The following SYN2 variants were observed in gnomAD, a reference collection of about 807,000 sequenced individuals.
SYN2 encodes the protein synapsin-2.
A neutral mutation model predicts 50.9 loss-of-function variants in SYN2; 19 were observed. That is an observed-to-expected ratio of 0.37 (90% CI 0.26 to 0.55). SYN2 has a LOEUF of 0.55. Among genes scored for constraint, SYN2 ranks in the 20% least tolerant of loss-of-function variants. SYN2 has a pLI of 0.81. For synonymous variants in SYN2, 255 were observed against 224.9 expected (o/e 1.13, Z -1.20); for missense variants, 587 against 576.4 (o/e 1.02, Z -0.19).
At chr3:12,175,243 T>G (rs1409474528) in intron 10 of SYN2, among the ~76,000 whole-genome samples, 3 of 152,244 alleles carry the variant, frequency 2.0e-5, no homozygotes, top group Non-Finnish European at 4.4e-5. Context: ...AATACATATT[T>G]GTTGAGTGAG....
At chr3:12,132,025 CTTTTTTTTCT>C (rs1252731006) in intron 1 of SYN2, among the ~76,000 whole-genome samples, 47 of 140,704 alleles carry the variant, frequency 3.3e-4, no homozygotes, top group East Asian at 1.6e-3. Flanking sequence ...TTTTCTTTTT[CTTTTTTTTCT>C]TTTTTTTTCT....
intron 1 of SYN2, among the ~76,000 whole-genome samples, chr3:12,068,848 C>T (rs1008669767): frequency 6.6e-6 from 1 of 152,174 alleles, no homozygotes. Context: ...AACTACCACA[C>T]ATCACTATCA....
At chr3:12,147,193 GTGTGTGTGTGTA>G (rs71628739) in intron 4 of SYN2, among the ~76,000 whole-genome samples, 7,610 of 152,118 alleles carry the variant, frequency 0.05, 210 homozygotes, top group Non-Finnish European at 0.066. Context: ...AGAGGGGTGT[GTGTGTGTGTGTA>G]TGTGTGTGTG....
At chr3:12,123,253 C>A (rs181559227) in intron 1 of SYN2, among the ~76,000 whole-genome samples, 1 of 152,204 alleles carries the variant, frequency 6.6e-6, no homozygotes, top group East Asian at 1.9e-4. Flanking sequence ...ATCAAAGTTC[C>A]AGAAAAATAA....
At chr3:12,092,872 A>C (rs1695858726) in intron 1 of SYN2, among the ~76,000 whole-genome samples, 1 of 152,196 alleles carries the variant, frequency 6.6e-6, no homozygotes. Flanking sequence ...TTTCTTGATC[A>C]GTATTAAAGA....
chr3:12,138,056 C>T (rs1696938803), intron 1 of SYN2, among the ~76,000 whole-genome samples: 1 of 152,170 alleles, frequency 6.6e-6, no homozygotes, highest in Non-Finnish European at 1.5e-5. Flanking sequence ...CTGCCCTGTA[C>T]TAGTGTTCTC....
rs1695116797 is a variant in SYN2 at position 12,061,753 on chromosome 3, T to TA, written c.377+56832dup. 4.6e-5 allele frequency among the ~76,000 whole-genome samples: 7 copies of TA among 151,568 alleles called. No individual in the cohort carries two copies. The South Asian group carries it at 1.3e-3, about 27-fold the overall frequency. ...TTTCCTGTATACCACAATGAAAAAT[T>TA]AAAAAAACACTACCATTTACAACAG... On this transcript the variant is annotated intron_variant, in intron 1 of 12. Transcript: ENST00000621198.
chr3:12,161,042 G>A (rs150255885), intron 5 of SYN2, among the ~76,000 whole-genome samples: 2 of 152,358 alleles, frequency 1.3e-5, no homozygotes, highest in African/African-American at 4.8e-5. Flanking sequence ...GCAGTGAAGA[G>A]TGTGAAAGAG....
At chr3:12,056,575 C>T (rs1364620025) in intron 1 of SYN2, among the ~76,000 whole-genome samples, 2 of 152,168 alleles carry the variant, frequency 1.3e-5, no homozygotes, top group Admixed American at 6.5e-5. Context: ...AATATTTTTG[C>T]CTAAGGTATA....
chr3:12,120,035 C>CTA (rs1482349710), intron 1 of SYN2, among the ~76,000 whole-genome samples: 4 of 151,786 alleles, frequency 2.6e-5, no homozygotes, highest in Non-Finnish European at 5.9e-5. Flanking sequence ...AGGCAGAACC[C>CTA]TATATATAAA....
intron 1 of SYN2, among the ~76,000 whole-genome samples, chr3:12,107,215 A>C (rs1696211661): frequency 6.6e-6 from 1 of 152,240 alleles, no homozygotes; most frequent in African/African-American, 2.4e-5. Flanking sequence ...GAAATTGGGC[A>C]TCAGAGAGAT....
chr3:12,167,676 G>A (rs1322753431), intron 8 of SYN2, among the ~76,000 whole-genome samples: 2 of 152,056 alleles, frequency 1.3e-5, no homozygotes, highest in Non-Finnish European at 2.9e-5. Context: ...CAAGGAGTGA[G>A]GTGTTGCTAT....
chr3:12,074,009 A>G (rs572222754), intron 1 of SYN2, among the ~76,000 whole-genome samples: 1 of 152,284 alleles, frequency 6.6e-6, no homozygotes, highest in South Asian at 2.1e-4. Flanking sequence ...TGCTTCATAT[A>G]TTTAGAAGCT....
intron 1 of SYN2, among the ~76,000 whole-genome samples, chr3:12,068,082 T>C (rs1695259615): frequency 6.6e-6 from 1 of 152,188 alleles, no homozygotes; most frequent in African/African-American, 2.4e-5. Flanking sequence ...AATGAATGAA[T>C]AAATAAAAAT....
chr3:12,149,250 A>G (rs1697222569), intron 4 of SYN2, among the ~76,000 whole-genome samples: 1 of 152,198 alleles, frequency 6.6e-6, no homozygotes, highest in Admixed American at 6.5e-5. Context: ...CTGCAGCAGG[A>G]CAGAGGTCGT....
intron 7 of SYN2, among the ~76,000 whole-genome samples, chr3:12,164,183 A>C (rs1030037043): frequency 6.6e-6 from 1 of 152,250 alleles, no homozygotes; most frequent in Admixed American, 6.5e-5. Context: ...CAGATTACCT[A>C]TCTTTTAATT....
chr3:12,086,908 G>T (rs1452749613), intron 1 of SYN2, among the ~76,000 whole-genome samples: 3 of 152,092 alleles, frequency 2.0e-5, no homozygotes, highest in Non-Finnish European at 2.9e-5. Context: ...AATAGAAAAG[G>T]AGGAAGGGAA....
intron 1 of SYN2, among the ~76,000 whole-genome samples, chr3:12,072,124 A>C (rs1371784218): frequency 6.6e-6 from 1 of 152,146 alleles, no homozygotes; most frequent in Non-Finnish European, 1.5e-5. Context: ...GATTTTGGCT[A>C]TTTGTATATG....
chr3:12,072,064 A>G (rs1695365475), intron 1 of SYN2, among the ~76,000 whole-genome samples: 1 of 152,166 alleles, frequency 6.6e-6, no homozygotes, highest in African/African-American at 2.4e-5. Context: ...TCATTGTGTA[A>G]GGAAAAATAA....
Sources: gnomAD v4.1 joint callset for allele counts (sites outside exome capture counted in the v4.1 genomes callset) on GRCh38, gnomAD v4.1.1 for gene constraint, MANE v1.5 for transcripts, NCBI Gene and HGNC (gene_info 2026-07-23, HGNC 2026-07-21) for gene names.